WWOX: variants seen among roughly 807,000 people sequenced by gnomAD.
WWOX encodes the protein WW domain containing oxidoreductase.
In WWOX, 69 loss-of-function variants were observed where a neutral mutation model predicts 46.2. The observed-to-expected ratio is 1.49, with a 90% CI of 1.23 to 1.82. The LOEUF (loss-of-function observed/expected upper bound fraction) is 1.82, where lower values mean the gene tolerates loss of function less well. Ranked by LOEUF, WWOX falls within the 40% of genes most tolerant of loss-of-function variation. WWOX has a pLI of 0.00. For synonymous variants in WWOX, 359 were observed against 202.6 expected, an observed-to-expected ratio of 1.77 and a Z score of -6.56; for missense variants, 919 against 542.6, an observed-to-expected ratio of 1.69 and a Z score of -6.89.
chr16:78,275,099 C>A (rs1290645578), intron 5 of WWOX, among the ~76,000 whole-genome samples: 6 of 152,182 alleles, frequency 3.9e-5, no homozygotes, highest in African/African-American at 1.4e-4. Context: ...TTTACTGAGA[C>A]TTGGCTCTTG....
intron 8 of WWOX, among the ~76,000 whole-genome samples, chr16:79,193,716 A>G (rs1028292762): frequency 5.3e-5 from 8 of 152,180 alleles, no homozygotes; most frequent in Non-Finnish European, 1.0e-4. Flanking sequence ...GAGGAAGGAG[A>G]GGAAAGTCCC....
chr16:78,253,443 C>G (rs934314262), intron 5 of WWOX, among the ~76,000 whole-genome samples: 1 of 152,162 alleles, frequency 6.6e-6, no homozygotes, highest in African/African-American at 2.4e-5. Flanking sequence ...ATAGCTGAAA[C>G]TGAGGTGCAA....
At chr16:78,480,601 A>G (rs537997796) in intron 8 of WWOX, among the ~76,000 whole-genome samples, 23 of 152,350 alleles carry the variant, frequency 1.5e-4, no homozygotes, top group Middle Eastern at 3.4e-3. Flanking sequence ...GTACTTTTCA[A>G]TGTAAGCATA....
chr16:78,797,028 G>C (rs1251859356), intron 8 of WWOX, among the ~76,000 whole-genome samples: 2 of 152,110 alleles, frequency 1.3e-5, no homozygotes, highest in African/African-American at 2.4e-5. Flanking sequence ...GTTTCACCAT[G>C]TTGGCCAGTC....
intron 8 of WWOX, among the ~76,000 whole-genome samples, chr16:78,850,690 C>A (rs894596937): frequency 6.6e-6 from 1 of 152,196 alleles, no homozygotes; most frequent in African/African-American, 2.4e-5. Flanking sequence ...CTACTTGTGT[C>A]TCTGTGCCAG....
At chr16:78,953,009 G>A (rs886172857) in intron 8 of WWOX, among the ~76,000 whole-genome samples, 1 of 150,166 alleles carries the variant, frequency 6.7e-6, no homozygotes, top group Non-Finnish European at 1.5e-5. Flanking sequence ...TCTGATTTGT[G>A]GTTATTGCTT....
intron 8 of WWOX, among the ~76,000 whole-genome samples, chr16:78,846,658 G>C (rs2052306696): frequency 6.6e-6 from 1 of 151,824 alleles, no homozygotes; most frequent in Non-Finnish European, 1.5e-5. Flanking sequence ...CGGTTAACGT[G>C]GTATCTGCCA....
intron 8 of WWOX, among the ~76,000 whole-genome samples, chr16:79,187,385 C>G (rs144644824): frequency 1.1e-3 from 169 of 152,304 alleles, no homozygotes; most frequent in African/African-American, 3.9e-3. Flanking sequence ...TAGAAATCCA[C>G]TCCTTTCACT....
intron 4 of WWOX, among the ~76,000 whole-genome samples, chr16:78,146,969 T>A (rs990993099): frequency 6.6e-6 from 1 of 152,170 alleles, no homozygotes; most frequent in African/African-American, 2.4e-5. Context: ...AGCAGAAACT[T>A]AGGGCTTGCT....
chr16:79,212,045 A>AAAGT lies in WWOX; in HGVS notation c.*252_*255dup. On this transcript the variant is annotated 3_prime_UTR_variant, in exon 9 of 9. Coordinates refer to ENST00000566780, the MANE Select transcript of WWOX (RefSeq NM_016373.4). ...TTGCTTTCTGGTGGTGGCCTGTTTG[A>AAAGT]AAGTAAAAACCTGCTTGGTGTGTAG... The AAAGT allele has an allele frequency of 6.5e-7, 1 of 1,536,282 alleles. No individual in the cohort carries two copies. Among genetic ancestry groups the AAAGT allele is most frequent in the Non-Finnish European group, 8.7e-7 (1 of 1,146,892 alleles).
At chr16:79,036,351 G>T (rs987515879) in intron 8 of WWOX, among the ~76,000 whole-genome samples, 5 of 152,320 alleles carry the variant, frequency 3.3e-5, no homozygotes, top group African/African-American at 1.2e-4. Flanking sequence ...GCATTCATTA[G>T]ACAGTACCCT....
At chr16:78,117,447 G>C (rs988485886) in intron 4 of WWOX, among the ~76,000 whole-genome samples, 4 of 152,112 alleles carry the variant, frequency 2.6e-5, no homozygotes, top group African/African-American at 4.8e-5. Context: ...CTGAATTTTT[G>C]AAATAATATC....
chr16:79,178,752 C>A lies in WWOX; in HGVS notation c.1057-32856C>A, dbSNP rs555651634. 1.1e-4 allele frequency among the ~76,000 whole-genome samples: 17 copies of A among 152,276 alleles called. No individual in the cohort carries two copies. In the South Asian group the frequency reaches 3.1e-3, roughly 28 times the overall value. ...GCTCTTCCTGGATGGGAGAATATTACCAAAAACGTTTGGTCGACTAATTTT... is the reference window on the plus strand; with the variant it reads ...GCTCTTCCTGGATGGGAGAATATTAACAAAAACGTTTGGTCGACTAATTTT... On this transcript the variant is annotated intron_variant, in intron 8 of 8. Coordinates refer to ENST00000566780, the MANE Select transcript of WWOX (RefSeq NM_016373.4).
At chr16:79,026,323 G>T (rs930744991) in intron 8 of WWOX, among the ~76,000 whole-genome samples, 2 of 151,564 alleles carry the variant, frequency 1.3e-5, no homozygotes, top group Non-Finnish European at 2.9e-5. Context: ...TGCCGGGGAG[G>T]CTCTCCCTTC....
intron 5 of WWOX, among the ~76,000 whole-genome samples, chr16:78,226,017 T>TAAAAA (rs928919313): frequency 6.6e-6 from 1 of 152,112 alleles, no homozygotes. Flanking sequence ...TTCTGCATCT[T>TAAAAA]AAAAAAACAA....
intron 8 of WWOX, among the ~76,000 whole-genome samples, chr16:78,751,224 T>A (rs184471367): frequency 6.2e-4 from 95 of 152,038 alleles, no homozygotes; most frequent in African/African-American, 2.2e-3. Flanking sequence ...GAACTACATA[T>A]CAGAAATTAG....
intron 8 of WWOX, among the ~76,000 whole-genome samples, chr16:78,469,801 G>C (rs1183904365): frequency 6.6e-6 from 1 of 152,152 alleles, no homozygotes; most frequent in Non-Finnish European, 1.5e-5. Context: ...CTCAGTGCTA[G>C]CCAGCCACAG....
intron 8 of WWOX, among the ~76,000 whole-genome samples, chr16:78,660,696 T>G (rs745426531): frequency 6.6e-6 from 1 of 152,182 alleles, no homozygotes; most frequent in Non-Finnish European, 1.5e-5. Flanking sequence ...TAGTAAAATT[T>G]CTTTCATTCC....
Position 78,894,592 on chromosome 16 carries a change from T to A in WWOX, c.1057-317016T>A, listed in dbSNP as rs867024596. ...CTGGAGATGGTTGTCTTCTTTTTTATTCCATGAAACAAATTGATTAATGTG... is the reference window on the plus strand; with the variant it reads ...CTGGAGATGGTTGTCTTCTTTTTTAATCCATGAAACAAATTGATTAATGTG... On this transcript the variant is annotated intron_variant, in intron 8 of 8. Coordinates refer to ENST00000566780, the MANE Select transcript of WWOX (RefSeq NM_016373.4). Among the ~76,000 whole-genome samples the A allele has an allele frequency of 3.3e-5, 5 of 152,318 alleles. No homozygotes were observed. In the South Asian group the frequency reaches 1.0e-3, roughly 32 times the overall value.
Sources: gnomAD v4.1 joint callset for allele counts (sites outside exome capture counted in the v4.1 genomes callset) on GRCh38, gnomAD v4.1.1 for gene constraint, MANE v1.5 for transcripts, NCBI Gene and HGNC (gene_info 2026-07-23, HGNC 2026-07-21) for gene names.